The following TEX10 variants were observed in gnomAD, a reference collection of about 807,000 sequenced individuals.
TEX10 encodes the protein testis-expressed protein 10.
Under a neutral mutation model 104.4 loss-of-function variants are expected in TEX10, and 24 were observed. That is an observed-to-expected ratio of 0.23 (90% CI 0.17 to 0.32). The LOEUF (loss-of-function observed/expected upper bound fraction) is 0.32. Ranked by LOEUF, TEX10 falls within the 10% of genes least tolerant of loss-of-function variation. TEX10 has a pLI of 1.00. For synonymous variants in TEX10, 396 were observed against 393.4 expected (o/e 1.01, Z -0.08); for missense variants, 921 against 1,083.9 (o/e 0.85, Z 2.11).
chr9:100,348,014 T>A (rs1245697475), intron 2 of TEX10, among the ~76,000 whole-genome samples: 1 of 152,216 alleles, frequency 6.6e-6, no homozygotes, highest in Non-Finnish European at 1.5e-5. Context: ...TAAATGTTCA[T>A]CAACTGCTGA....
At chr9:100,323,180 A>G (rs993244899) in intron 9 of TEX10, among the ~76,000 whole-genome samples, 1 of 152,234 alleles carries the variant, frequency 6.6e-6, no homozygotes, top group Non-Finnish European at 1.5e-5. Context: ...CCTATTTAAA[A>G]TTCTGACCCT....
chr9:100,346,339 A>T, intron 3 of TEX10, 24 bp from the exon 4 acceptor site: 1 of 1,577,060 alleles, frequency 6.3e-7, no homozygotes, highest in Non-Finnish European at 8.6e-7. Context: ...GAAAGAAAAA[A>T]ATTAAGTGAT....
intron 11 of TEX10, among the ~76,000 whole-genome samples, chr9:100,314,005 G>A (rs1428371171): frequency 1.3e-5 from 2 of 152,202 alleles, no homozygotes; most frequent in Non-Finnish European, 1.5e-5. Context: ...TCAGGAGAAT[G>A]AGTATTAGCT....
intron 5 of TEX10, among the ~76,000 whole-genome samples, chr9:100,339,171 T>C (rs1043294273): frequency 5.2e-5 from 7 of 135,814 alleles, no homozygotes; most frequent in African/African-American, 2.0e-4. Flanking sequence ...GCAGGATCAC[T>C]TGAACCCAGG....
chr9:100,327,675 T>C (rs1250413919), intron 8 of TEX10, 112 bp downstream of exon 8: 4 of 672,726 alleles, frequency 5.9e-6, no homozygotes, highest in Admixed American at 6.5e-5. Flanking sequence ...ACCATGGTAT[T>C]ACTAATTCAG....
In TEX10 at chr9:100,308,493, T is replaced by C; in HGVS notation, c.2465+7A>G. The C allele has an allele frequency of 6.4e-7, 1 of 1,573,454 alleles. No homozygotes were observed. The highest frequency in any genetic ancestry group is 1.2e-5 in the South Asian group (1 of 83,374). ...AAAATTAAGGTTGAAGAATAAAAAATAATTACCTCTTTCTTAGATGTTCTG... is the reference window on the plus strand; with the variant it reads ...AAAATTAAGGTTGAAGAATAAAAAACAATTACCTCTTTCTTAGATGTTCTG... On this transcript the variant is annotated splice_region_variant and intron_variant, in intron 13 of 14. Transcript: ENST00000374902.
chr9:100,307,238 A>G (rs955865279), intron 13 of TEX10: 4 of 152,212 alleles, frequency 2.6e-5, no homozygotes, highest in African/African-American at 9.6e-5. Context: ...TGAGCAAACT[A>G]TGGCCACAGG....
rs1402825758 is a variant in TEX10, at chr9:100,346,311, G to C, written c.898C>G (p.Leu300Val). Residue 300 changes from leucine (L) to valine (V), a missense_variant, in exon 4 of 15, where the codon CTG (leucine) becomes GTG (valine). Coordinates refer to ENST00000374902, the MANE Select transcript of TEX10 (RefSeq NM_017746.4). ...NVSSQFRLRY[L>V]VGGLSGVDEG... ...TCCACACCACTCAGTCCTCCAACCA[G>C]ATACCTAATAAGGGTAAGAAAGAAA... is the stretch of plus-strand genomic sequence containing the variant. 2 of 1,611,774 alleles carry C rather than the reference G, an allele frequency of 1.2e-6. No homozygotes were observed. The highest frequency in any genetic ancestry group is 3.4e-5 in the Admixed American group (2 of 59,568).
Position 100,320,377 on chromosome 9 carries a change from G to A in TEX10, c.2090C>T (p.Thr697Ile). 1 of 1,610,888 alleles carries A rather than the reference G, an allele frequency of 6.2e-7. No individual in the cohort carries two copies. Among genetic ancestry groups the A allele is most frequent in the Non-Finnish European group, 8.5e-7 (1 of 1,178,410 alleles). ...AACTCCTCGAAGGCTCTGAAGCCAA[G>A]TCAACTCCTCTTTCGAAAACCCTAA... The part of the protein sequence containing the change: ...TLTGFSKEEL[T>I]WLQSLRGVPH... Residue 697 changes from threonine to isoleucine, a missense_variant, in exon 11 of 15, where the codon ACT becomes ATT. By Grantham distance (89) the Thr-to-Ile change is moderately conservative (BLOSUM62 -1). Around this residue, in one of 3 missense-constraint regions of TEX10, gnomAD observed 753 missense variants for 868.4 expected, o/e 0.87. Transcript: ENST00000374902.
rs1228456105 is a variant in TEX10, at chr9:100,309,518, A to AG, written c.2283+780dup. On this transcript the variant is annotated intron_variant, in intron 12 of 14. Transcript: ENST00000374902. ...GAGTCTAATTCTCTGGAGTGGAGGT[A>AG]GGGAAAAAAAAGTGGGCATTGTTGA... is the stretch of plus-strand genomic sequence containing the variant. 3.3e-5 allele frequency among the ~76,000 whole-genome samples: 5 copies of AG among 152,304 alleles called. No individual in the cohort carries two copies. The East Asian group carries it at 9.6e-4, about 29-fold the overall frequency.
chr9:100,339,698 A>T (rs1587738586), intron 5 of TEX10, among the ~76,000 whole-genome samples: 1 of 152,252 alleles, frequency 6.6e-6, no homozygotes, highest in South Asian at 2.1e-4. Context: ...CTGCTTGTCA[A>T]ATTTTATTAC....
At chr9:100,310,508 A>G in intron 11 of TEX10, 129 bp from the exon 12 acceptor site, 2 of 790,194 alleles carry the variant, frequency 2.5e-6, no homozygotes, top group Non-Finnish European at 4.0e-6. Flanking sequence ...ATGCAGTCTC[A>G]GCTCACCGCA....
intron 6 of TEX10, among the ~76,000 whole-genome samples, 189 bp from the exon 7 acceptor site, chr9:100,329,464 A>G (rs1440304532): frequency 6.6e-6 from 1 of 152,244 alleles, no homozygotes; most frequent in African/African-American, 2.4e-5. Context: ...CAGTAGTTAC[A>G]GTATAAATTT....
intron 11 of TEX10, among the ~76,000 whole-genome samples, chr9:100,312,142 T>C (rs1284220907): frequency 6.6e-6 from 1 of 152,250 alleles, no homozygotes; most frequent in Non-Finnish European, 1.5e-5. Flanking sequence ...ATGGTGAATA[T>C]TTTTATTAAT....
At chr9:100,303,496 C>G in intron 14 of TEX10, 136 bp downstream of exon 14, 1 of 796,328 alleles carries the variant, frequency 1.3e-6, no homozygotes, top group South Asian at 1.5e-5. Context: ...CCCTGAGAAA[C>G]TACCATATTG....
At chr9:100,344,714 C>T (rs1835259295) in intron 4 of TEX10, among the ~76,000 whole-genome samples, 1 of 152,094 alleles carries the variant, frequency 6.6e-6, no homozygotes, top group Non-Finnish European at 1.5e-5. Context: ...CGCATGGTGG[C>T]GGGCACCTGT....
At chr9:100,350,426 G>A (rs559594589) in intron 1 of TEX10, among the ~76,000 whole-genome samples, 2 of 152,170 alleles carry the variant, frequency 1.3e-5, no homozygotes, top group Admixed American at 6.5e-5. Context: ...CAGGACATAT[G>A]AGGTCCTTCC....
At chr9:100,317,514 G>A (rs557609087) in intron 11 of TEX10, among the ~76,000 whole-genome samples, 20 of 152,142 alleles carry the variant, frequency 1.3e-4, no homozygotes, top group Admixed American at 4.6e-4. Context: ...CTTAAATGTA[G>A]GACATGAAAC....
chr9:100,348,163 A>G (rs541133196), intron 2 of TEX10, among the ~76,000 whole-genome samples: 1 of 152,396 alleles, frequency 6.6e-6, no homozygotes, highest in African/African-American at 2.4e-5. Context: ...GTAAAAGGCC[A>G]GTAACAAAAG....
Sources: allele counts gnomAD v4.1 joint callset (sites outside exome capture counted in the v4.1 genomes callset), GRCh38; gene constraint gnomAD v4.1.1; regional missense constraint gnomAD v4.1.1; transcripts MANE v1.5; gene names NCBI Gene and HGNC (gene_info 2026-07-23, HGNC 2026-07-21).